Variants in PHF20 observed in about 807,000 individuals in gnomAD.
The protein encoded by PHF20 is PHD finger protein 20.
A neutral mutation model predicts 113.5 loss-of-function variants in PHF20; 23 were observed. The ratio of observed to expected loss-of-function variants is 0.20; its 90% CI spans 0.15 to 0.29. The LOEUF is 0.29. Ranked by LOEUF, PHF20 falls within the 10% of genes least tolerant of loss-of-function variation. PHF20 has a pLI of 1.00. For synonymous variants in PHF20, 434 were observed against 457.3 expected, an observed-to-expected ratio of 0.95 and a Z score of 0.65; for missense variants, 943 against 1,219.6, an observed-to-expected ratio of 0.77 and a Z score of 3.38.
intron 9 of PHF20, among the ~76,000 whole-genome samples, chr20:35,885,877 A>G (rs1249160789): frequency 6.6e-6 from 1 of 152,052 alleles, no homozygotes. Context: ...TTATTTTAGC[A>G]TCTACTGGTA....
intron 6 of PHF20, among the ~76,000 whole-genome samples, chr20:35,867,799 C>T (rs138409242): frequency 2.6e-3 from 399 of 152,086 alleles, no homozygotes; most frequent in African/African-American, 9.0e-3. Context: ...ATCTTTCTCC[C>T]TTCCCTTCCT....
chr20:35,853,561 T>C (rs2146955686), intron 4 of PHF20, among the ~76,000 whole-genome samples: 1 of 152,150 alleles, frequency 6.6e-6, no homozygotes, highest in East Asian at 1.9e-4. Flanking sequence ...CTGGGTAACA[T>C]AGACCCCAAT....
rs1340934484 is a variant in PHF20 at position 35,855,952 on chromosome 20, TACA to T, written c.341-2349_341-2347del. On this transcript the variant is annotated intron_variant, in intron 4 of 17. Transcript: ENST00000374012. ...CCTCGGTCTCCCAAAGTGCTGGGAT[TACA>T]GGCGTGAGCCATCACACCTGGCCAA... 9.6e-3 allele frequency among the ~76,000 whole-genome samples: 1,461 copies of T among 152,260 alleles called. 17 individuals carry two copies. The highest frequency in any genetic ancestry group is 0.033 in the African/African-American group (1,353 of 41,546).
intron 2 of PHF20, among the ~76,000 whole-genome samples, chr20:35,835,014 T>G (rs1026032361): frequency 6.6e-6 from 1 of 152,102 alleles, no homozygotes. Flanking sequence ...TGGTGGCTCA[T>G]GCCTGTAATC....
At chr20:35,789,330 C>T (rs2041490257) in intron 1 of PHF20, among the ~76,000 whole-genome samples, 1 of 150,988 alleles carries the variant, frequency 6.6e-6, no homozygotes, top group Admixed American at 6.6e-5. Context: ...ACTTGGGAGG[C>T]TGAGGCAGGA....
intron 1 of PHF20, among the ~76,000 whole-genome samples, chr20:35,776,154 A>G (rs2041170938): frequency 6.6e-6 from 1 of 152,228 alleles, no homozygotes; most frequent in South Asian, 2.1e-4. Flanking sequence ...GAATGTGAAC[A>G]TAATTATTGA....
intron 4 of PHF20, chr20:35,850,915 T>C: frequency 1.5e-6 from 1 of 668,616 alleles, no homozygotes; most frequent in South Asian, 1.5e-5. Context: ...AAGGGAAACA[T>C]CGTGAAGGTG....
chr20:35,945,854 A>G (rs2056075203), intron 17 of PHF20, among the ~76,000 whole-genome samples: 1 of 152,176 alleles, frequency 6.6e-6, no homozygotes, highest in South Asian at 2.1e-4. Context: ...ATGTTAATTA[A>G]TACCTGAAAT....
chr20:35,911,659 T>G (rs1165994173), intron 10 of PHF20, among the ~76,000 whole-genome samples: 1 of 152,108 alleles, frequency 6.6e-6, no homozygotes, highest in Non-Finnish European at 1.5e-5. Context: ...GACTGGATTT[T>G]TTTGTTTGTT....
chr20:35,854,034 G>A (rs2042785622), intron 4 of PHF20, among the ~76,000 whole-genome samples: 2 of 152,046 alleles, frequency 1.3e-5, no homozygotes, highest in Admixed American at 1.3e-4. Context: ...GATTACAGGC[G>A]TGAGCCACCA....
chr20:35,791,390 A>G (rs1370054253), intron 1 of PHF20, among the ~76,000 whole-genome samples: 1 of 151,620 alleles, frequency 6.6e-6, no homozygotes, highest in African/African-American at 2.4e-5. Context: ...AGAGGTAGAC[A>G]CTAAATGGGC....
chr20:35,798,030 T>G (rs2041702061), intron 1 of PHF20, among the ~76,000 whole-genome samples: 1 of 152,180 alleles, frequency 6.6e-6, no homozygotes, highest in Non-Finnish European at 1.5e-5. Flanking sequence ...AAAATTTTCA[T>G]TGTGAAAAAC....
intron 13 of PHF20, among the ~76,000 whole-genome samples, chr20:35,920,611 T>A (rs370168980): frequency 2.6e-5 from 4 of 152,254 alleles, no homozygotes; most frequent in African/African-American, 9.6e-5. Context: ...CTATGCGGCC[T>A]TAGCTACGGG....
intron 2 of PHF20, among the ~76,000 whole-genome samples, chr20:35,823,823 T>G (rs909802395): frequency 6.6e-6 from 1 of 152,182 alleles, no homozygotes; most frequent in African/African-American, 2.4e-5. Context: ...ATGGAATTAT[T>G]CAGTACATAG....
rs139437531 is a variant in PHF20, at chr20:35,940,458, A to G, written c.2713-406A>G. On this transcript the variant is annotated intron_variant, in intron 16 of 17. Coordinates refer to ENST00000374012, the MANE Select transcript of PHF20 (RefSeq NM_016436.5). Reference sequence around the variant, plus strand: ...ACCGAGAAAGCAGAGGCTCAGAGACATGAAGTAGTCCATCCAGACTCGCAC... The same window carrying G: ...ACCGAGAAAGCAGAGGCTCAGAGACGTGAAGTAGTCCATCCAGACTCGCAC... Among the ~76,000 whole-genome samples the G allele has an allele frequency of 5.3e-3, 811 of 151,990 alleles. 9 individuals are homozygous for G. Among genetic ancestry groups the G allele is most frequent in the African/African-American group, 0.019 (778 of 41,466 alleles).
Position 35,896,081 on chromosome 20 carries a change from A to ATGTGTGTG in PHF20, c.1283-3263_1283-3256dup, listed in dbSNP as rs10633976. Among the ~76,000 whole-genome samples the ATGTGTGTG allele has an allele frequency of 2.4e-3, 338 of 143,208 alleles. 2 individuals carry two copies. The highest frequency in any genetic ancestry group is 7.2e-3 in the African/African-American group (283 of 39,486). 94.0% of individuals were successfully genotyped at this position (143,208 alleles called of 152,430 possible). On this transcript the variant is annotated intron_variant, in intron 9 of 17. Coordinates refer to ENST00000374012, the MANE Select transcript of PHF20 (RefSeq NM_016436.5). ...TGATTTTAAGGCATTATGCTTTGGG[A>ATGTGTGTG]TGTGTGTGTGTGTGTGTGTGTGTGT...
At chr20:35,917,419 G>A (rs2055424979) in intron 12 of PHF20, 65 bp from the exon 13 acceptor site, 1 of 1,366,610 alleles carries the variant, frequency 7.3e-7, no homozygotes, top group African/African-American at 1.4e-5. Context: ...TTTCATTCTT[G>A]ACAATCAAAG....
intron 2 of PHF20, among the ~76,000 whole-genome samples, chr20:35,803,006 C>T (rs1047414802): frequency 2.0e-5 from 3 of 150,034 alleles, no homozygotes; most frequent in African/African-American, 7.3e-5. Flanking sequence ...ATAATCCCAG[C>T]ACTTTGGGAG....
intron 13 of PHF20, among the ~76,000 whole-genome samples, chr20:35,923,708 T>G (rs2055565481): frequency 6.6e-6 from 1 of 152,144 alleles, no homozygotes; most frequent in African/African-American, 2.4e-5. Context: ...TTTTAAAAAT[T>G]TTTTGGTAAA....
Sources: allele counts gnomAD v4.1 joint callset (sites outside exome capture counted in the v4.1 genomes callset), GRCh38; gene constraint gnomAD v4.1.1; transcripts MANE v1.5; gene names NCBI Gene and HGNC (gene_info 2026-07-23, HGNC 2026-07-21).